The following CAMKMT variants were observed in gnomAD, a reference collection of about 807,000 sequenced individuals.
CAMKMT encodes calmodulin-lysine N-methyltransferase.
CAMKMT carries 53 observed loss-of-function variants against 48.0 expected under a neutral mutation model. The observed-to-expected ratio is 1.10, with a 90% CI of 0.89 to 1.39. The LOEUF is 1.39. Among genes scored for constraint, CAMKMT ranks in the 40% most tolerant of loss-of-function variants. The pLI is 0.00. For synonymous variants in CAMKMT, 165 were observed against 152.3 expected (o/e 1.08, Z -0.61); for missense variants, 428 against 402.7 (o/e 1.06, Z -0.54).
chr2:44,689,939 G>C (rs1369511034), intron 3 of CAMKMT, among the ~76,000 whole-genome samples: 1 of 152,208 alleles, frequency 6.6e-6, no homozygotes, highest in Non-Finnish European at 1.5e-5. Context: ...AATCATACTT[G>C]AAGATGTTTT....
At chr2:44,460,830 C>T (rs1667811106) in intron 3 of CAMKMT, among the ~76,000 whole-genome samples, 1 of 148,386 alleles carries the variant, frequency 6.7e-6, no homozygotes, top group Non-Finnish European at 1.5e-5. Flanking sequence ...TCACACGATT[C>T]TCCAGCCTCA....
intron 3 of CAMKMT, among the ~76,000 whole-genome samples, chr2:44,557,093 C>G (rs1668055638): frequency 6.6e-6 from 1 of 152,174 alleles, no homozygotes; most frequent in Non-Finnish European, 1.5e-5. Context: ...TGTTTATTAA[C>G]TTTTCTAGAC....
chr2:44,545,537 G>A (rs1667348824), intron 3 of CAMKMT, among the ~76,000 whole-genome samples: 1 of 151,750 alleles, frequency 6.6e-6, no homozygotes, highest in African/African-American at 2.4e-5. Context: ...TGCAGTTTTT[G>A]TTTTGTTTTG....
At chr2:44,593,029 A>T (rs1429915631) in intron 3 of CAMKMT, among the ~76,000 whole-genome samples, 1 of 152,214 alleles carries the variant, frequency 6.6e-6, no homozygotes, top group Non-Finnish European at 1.5e-5. Flanking sequence ...AATGATAAGT[A>T]TTTATAATAA....
chr2:44,495,619 TGCCCTTTATTGTAG>T (rs1203278095), intron 3 of CAMKMT, among the ~76,000 whole-genome samples: 2 of 152,246 alleles, frequency 1.3e-5, no homozygotes, highest in African/African-American at 4.8e-5. Flanking sequence ...ATGTTAATAC[TGCCCTTTATTGTAG>T]GCCAAGGATG....
intron 1 of CAMKMT, among the ~76,000 whole-genome samples, chr2:44,367,668 T>C (rs1030398313): frequency 6.6e-6 from 1 of 152,236 alleles, no homozygotes; most frequent in African/African-American, 2.4e-5. Flanking sequence ...GATATAAGAC[T>C]AGCTGCCTAT....
chr2:44,631,947 T>C (rs1433552130), intron 3 of CAMKMT, among the ~76,000 whole-genome samples: 1 of 152,152 alleles, frequency 6.6e-6, no homozygotes, highest in African/African-American at 2.4e-5. Flanking sequence ...ATTTCACATA[T>C]AATGTTAGAA....
chr2:44,383,892 T>A (rs1680510584), intron 2 of CAMKMT, among the ~76,000 whole-genome samples: 1 of 152,208 alleles, frequency 6.6e-6, no homozygotes, highest in Admixed American at 6.5e-5. Flanking sequence ...GCATTTGGGT[T>A]GGTTCCACGA....
intron 3 of CAMKMT, among the ~76,000 whole-genome samples, chr2:44,423,101 C>T (rs967044270): frequency 6.6e-6 from 1 of 152,158 alleles, no homozygotes; most frequent in African/African-American, 2.4e-5. Flanking sequence ...TACTGATCAT[C>T]CTGGTTTCAG....
chr2:44,549,625 C>G, intron 3 of CAMKMT: 1 of 650,522 alleles, frequency 1.5e-6, no homozygotes. Context: ...CCTCAAACTC[C>G]TGAACTGCTC....
chr2:44,521,649 C>G (rs915048431), intron 3 of CAMKMT, among the ~76,000 whole-genome samples: 4 of 152,164 alleles, frequency 2.6e-5, no homozygotes, highest in African/African-American at 9.7e-5. Context: ...AATTATGTAG[C>G]TAATAAGTGG....
chr2:44,377,526 C>T (rs953451184), intron 2 of CAMKMT, among the ~76,000 whole-genome samples: 1 of 152,114 alleles, frequency 6.6e-6, no homozygotes, highest in African/African-American at 2.4e-5. Flanking sequence ...AATTCCAGCA[C>T]AGCAGGAATT....
chr2:44,648,692 TA>T (rs1052668474), intron 3 of CAMKMT, among the ~76,000 whole-genome samples: 13 of 152,234 alleles, frequency 8.5e-5, no homozygotes, highest in African/African-American at 3.1e-4. Flanking sequence ...TTAACCTTTC[TA>T]GGTCTCAGCT....
intron 3 of CAMKMT, among the ~76,000 whole-genome samples, chr2:44,422,100 G>A (rs1195664214): frequency 6.6e-6 from 1 of 152,194 alleles, no homozygotes; most frequent in Non-Finnish European, 1.5e-5. Context: ...GGTGGGAGGT[G>A]TTTGAGTCAT....
At chr2:44,735,740 G>GA (rs59232595) in intron 7 of CAMKMT, among the ~76,000 whole-genome samples, 151 of 141,450 alleles carry the variant, frequency 1.1e-3, no homozygotes, top group Middle Eastern at 3.5e-3. Flanking sequence ...CATCTCTACT[G>GA]AAAAAAAAAA....
intron 2 of CAMKMT, among the ~76,000 whole-genome samples, chr2:44,386,473 C>T (rs1680789907): frequency 1.3e-5 from 2 of 151,926 alleles, no homozygotes; most frequent in Non-Finnish European, 1.5e-5. Context: ...CTTTTTCTTT[C>T]ATTTGTCTTT....
intron 3 of CAMKMT, among the ~76,000 whole-genome samples, chr2:44,658,591 C>CT (rs1287576076): frequency 6.6e-6 from 1 of 152,170 alleles, no homozygotes; most frequent in Non-Finnish European, 1.5e-5. Flanking sequence ...CACATCTTGG[C>CT]TTTTATACTT....
intron 3 of CAMKMT, among the ~76,000 whole-genome samples, chr2:44,432,151 G>T (rs1048667812): frequency 2.0e-5 from 3 of 152,180 alleles, no homozygotes; most frequent in Non-Finnish European, 4.4e-5. Context: ...ATATTATAAT[G>T]TAGTGGTTAC....
At chr2:44,674,846 C>T (rs1239414775) in intron 3 of CAMKMT, among the ~76,000 whole-genome samples, 1 of 152,060 alleles carries the variant, frequency 6.6e-6, no homozygotes, top group Non-Finnish European at 1.5e-5. Context: ...CTGCTAATAG[C>T]CTCACATTCT....
Sources: gnomAD v4.1 joint callset for allele counts (sites outside exome capture counted in the v4.1 genomes callset) on GRCh38, gnomAD v4.1.1 for gene constraint, MANE v1.5 for transcripts, NCBI Gene and HGNC (gene_info 2026-07-23, HGNC 2026-07-21) for gene names.